TDRD6: variants seen among roughly 807,000 people sequenced by gnomAD.
TDRD6 encodes the protein tudor domain-containing protein 6.
TDRD6 carries 186 observed loss-of-function variants against 157.5 expected under a neutral mutation model. That is an observed-to-expected ratio of 1.18 (90% CI 1.05 to 1.33). The LOEUF is 1.33. Among genes scored for constraint, TDRD6 ranks in the 40% most tolerant of loss-of-function variants. The pLI is 0.00. For missense variants in TDRD6, 3,066 were observed against 2,508.0 expected, an observed-to-expected ratio of 1.22 and a Z score of -4.75; for synonymous variants, 1,075 against 945.2, an observed-to-expected ratio of 1.14 and a Z score of -2.52.
At chr6:46,694,490 A>G (rs1764443486) in intron 1 of TDRD6, among the ~76,000 whole-genome samples, 1 of 152,122 alleles carries the variant, frequency 6.6e-6, no homozygotes, top group South Asian at 2.1e-4. Context: ...TAAGTTTAAC[A>G]TAGTGACTTT....
chr6:46,692,694 A>C lies in TDRD6; in HGVS notation c.4566A>C (p.Arg1522Ser), dbSNP rs1176074275. ...ATAATCCAGAAAAAAAAATGATAAG[A>C]GCTTATGCCACTGTGATAGATGGAC... ...NWYNPEKKMIRAYATVIDGPE... is the reference protein window; with the variant it reads ...NWYNPEKKMISAYATVIDGPE... The change falls in exon 1 of 4, where the codon AGA becomes AGC. Residue 1522 changes from arginine (R) to serine (S), a missense_variant. By Grantham distance (110) the Arg-to-Ser change is moderately radical. Coordinates refer to ENST00000316081, the MANE Select transcript of TDRD6 (RefSeq NM_001010870.3). The C allele has an allele frequency of 5.0e-6, 8 of 1,613,838 alleles. No individual in the cohort carries two copies. The African/African-American group carries it at 1.1e-4, about 22-fold the overall frequency.
At position 46,695,820 on chromosome 6, in the gene TDRD6, G is replaced by C. The variant is rs1209512286; in HGVS notation, c.6047-1G>C. On this transcript the variant is annotated splice_acceptor_variant, in intron 1 of 3. Coordinates refer to ENST00000316081, the MANE Select transcript of TDRD6 (RefSeq NM_001010870.3). LOFTEE classifies it high-confidence loss of function. ...GAGTCTTACTCAATTCAATTTGGCA[G>C]CTCAACTACAGAACACCTACACTCT... is the stretch of plus-strand genomic sequence containing the variant. 6.2e-7 allele frequency: 1 copy of C among 1,611,924 alleles called. No individual in the cohort carries two copies. Among genetic ancestry groups the C allele is most frequent in the Admixed American group, 1.7e-5 (1 of 59,618 alleles).
rs1355039613 is a variant in TDRD6 at position 46,689,599 on chromosome 6, G to A, written c.1471G>A (p.Ala491Thr). The change falls in exon 1 of 4, where the codon GCG becomes ACG. Residue 491 changes from alanine to threonine, a missense_variant. Coordinates refer to ENST00000316081, the MANE Select transcript of TDRD6 (RefSeq NM_001010870.3). ...IRLKMNAFYD[A>T]QVEFVKNPSE... ...GTTAAAGATGAATGCCTTCTACGAT[G>A]CGCAGGTAGAGTTTGTTAAAAATCC... 1.9e-6 allele frequency: 3 copies of A among 1,614,052 alleles called. No homozygotes were observed. The highest frequency in any genetic ancestry group is 2.5e-6 in the Non-Finnish European group (3 of 1,180,054).
At position 46,691,885 on chromosome 6, in the gene TDRD6, T is replaced by G; in HGVS notation, c.3757T>G (p.Leu1253Val). ...AAATAAAAATAGTCAAGTGTTTCCA[T>G]TAACAACAGAAAAGAAAGAAGAAAT... The part of the protein sequence containing the change: ...VGNKNSQVFP[L>V]TTEKKEEISA... The change falls in exon 1 of 4, where the codon TTA becomes GTA. Residue 1253 changes from leucine to valine, a missense_variant. By Grantham distance (32) the Leu-to-Val change is conservative (BLOSUM62 1). Transcript: ENST00000316081. The G allele has an allele frequency of 6.3e-7, 1 of 1,594,190 alleles. No homozygotes were observed. Among genetic ancestry groups the G allele is most frequent in the South Asian group, 1.1e-5 (1 of 87,050 alleles).
Position 46,695,948 on chromosome 6 carries a change from A to G in TDRD6, c.6171+3A>G. ...AAACAGCTGAAGAAGGAACAAGGGT[A>G]AGTGATGTTTAAGTACTTTATCTCC... On this transcript the variant is annotated splice_donor_region_variant and intron_variant, in intron 2 of 3. Coordinates refer to ENST00000316081, the MANE Select transcript of TDRD6 (RefSeq NM_001010870.3). The G allele has an allele frequency of 6.2e-7, 1 of 1,610,028 alleles. No individual in the cohort carries two copies. Among genetic ancestry groups the G allele is most frequent in the South Asian group, 1.1e-5 (1 of 90,358 alleles).
rs1181898264 is a variant in TDRD6, at chr6:46,690,608, G to C, written c.2480G>C (p.Arg827Pro). ...AACACCCTTGCTTGTTTGGCTAAGC[G>C]AACAGTAAACAGACAGTGGTCCAGA... is the stretch of plus-strand genomic sequence containing the variant. ...QRNTLACLAK[R>P]TVNRQWSRAL... The change falls in exon 1 of 4, where the codon CGA becomes CCA. Residue 827 changes from arginine to proline, a missense_variant. Transcript: ENST00000316081. 6.2e-7 allele frequency: 1 copy of C among 1,614,036 alleles called. No homozygotes were observed. Among genetic ancestry groups the C allele is most frequent in the Non-Finnish European group, 8.5e-7 (1 of 1,180,026 alleles).
chr6:46,689,986 T>G lies in TDRD6; in HGVS notation c.1858T>G (p.Phe620Val), dbSNP rs766247589. Residue 620 changes from phenylalanine to valine, a missense_variant, in exon 1 of 4, where the codon TTT becomes GTT. Physicochemically the swap from Phe to Val is conservative, Grantham distance 50. Coordinates refer to ENST00000316081, the MANE Select transcript of TDRD6 (RefSeq NM_001010870.3). ...TTGGAGCCAGGAGGCAGTTTCCTTT[T>G]TTAAAAAGACTGTGCTCCACAAAGA... Reference protein sequence around the residue: ...KTWSQEAVSFFKKTVLHKELV... With the variant: ...KTWSQEAVSFVKKTVLHKELV... 6.2e-7 allele frequency: 1 copy of G among 1,613,484 alleles called. No individual in the cohort carries two copies. The highest frequency in any genetic ancestry group is 1.7e-5 in the Admixed American group (1 of 59,896).
In TDRD6 at chr6:46,688,031, GT is replaced by G; in HGVS notation, c.-95del. Reference sequence around the variant, plus strand: ...CCCTCCACTGGGTCCTTTGAACCTAGTTTGGCTGGGACTCGCCTTCAGGCGG... The same window carrying G: ...CCCTCCACTGGGTCCTTTGAACCTAGTTGGCTGGGACTCGCCTTCAGGCGG... On this transcript the variant is annotated 5_prime_UTR_variant, in exon 1 of 4. Coordinates refer to ENST00000316081, the MANE Select transcript of TDRD6 (RefSeq NM_001010870.3). 2 of 1,386,004 alleles carry G rather than the reference GT, an allele frequency of 1.4e-6. No individual in the cohort carries two copies. The highest frequency in any genetic ancestry group is 1.9e-6 in the Non-Finnish European group (2 of 1,077,804). The allele number at this position is 1,386,004 out of a possible 1,614,324, so 85.9% of individuals were successfully genotyped here.
rs1175247883 is a variant in TDRD6, at chr6:46,692,058, T to C, written c.3930T>C (p.Tyr1310=). The change falls in exon 1 of 4, where the codon TAT becomes TAC. Residue 1310 remains tyrosine (Y), a synonymous_variant. Coordinates refer to ENST00000316081, the MANE Select transcript of TDRD6 (RefSeq NM_001010870.3). ...TIMPGFKTTV[Y]VSHINDLSDF... is the part of the protein sequence containing the mutation. ...TGCCTGGATTTAAAACAACTGTATA[T>C]GTTTCTCATATAAATGACCTTTCAG... is the stretch of plus-strand genomic sequence containing the variant. 1.2e-6 allele frequency: 2 copies of C among 1,612,822 alleles called. No homozygotes were observed. Among genetic ancestry groups the C allele is most frequent in the African/African-American group, 1.3e-5 (1 of 74,770 alleles).
rs1200467927 is a variant in TDRD6, at chr6:46,690,977, T to G, written c.2849T>G (p.Phe950Cys). The part of the protein sequence containing the change: ...LLTPFQSACH[F>C]LVEKRLARPV... ...ACCCCCTTTCAGAGTGCATGCCATT[T>G]CTTGGTAGAAAAGAGACTTGCAAGA... The change falls in exon 1 of 4, where the codon TTC (phenylalanine) becomes TGC (cysteine). Residue 950 changes from phenylalanine (F) to cysteine (C), a missense_variant. By Grantham distance (205) the Phe-to-Cys change is radical. Coordinates refer to ENST00000316081, the MANE Select transcript of TDRD6 (RefSeq NM_001010870.3). 1.2e-6 allele frequency: 2 copies of G among 1,614,152 alleles called. No individual in the cohort carries two copies. The highest frequency in any genetic ancestry group is 1.7e-6 in the Non-Finnish European group (2 of 1,180,004).
At position 46,693,397 on chromosome 6, in the gene TDRD6, G is replaced by T. The variant is rs762094099; in HGVS notation, c.5269G>T (p.Asp1757Tyr). ...TDELAEITEK[D>Y]VNIIGTKPSN... ...TGAGCTTGCTGAAATAACTGAAAAA[G>T]ATGTAAACATTATTGGAACCAAACC... The change falls in exon 1 of 4, where the codon GAT (aspartate) becomes TAT (tyrosine). Residue 1757 changes from aspartate (D) to tyrosine (Y), a missense_variant. Asp to Tyr is a radical substitution (Grantham distance 160). Transcript: ENST00000316081. 1 of 1,613,538 alleles carries T rather than the reference G, an allele frequency of 6.2e-7. No individual in the cohort carries two copies. The highest frequency in any genetic ancestry group is 1.1e-5 in the South Asian group (1 of 90,998).
chr6:46,691,048 T>G lies in TDRD6; in HGVS notation c.2920T>G (p.Ser974Ala), dbSNP rs754250056. The change falls in exon 1 of 4, where the codon TCC becomes GCC. Residue 974 changes from serine to alanine, a missense_variant. Coordinates refer to ENST00000316081, the MANE Select transcript of TDRD6 (RefSeq NM_001010870.3). ...TTTGGAGTCCTCTGTTCAGCTACAT[T>G]CCTACTTCTATTCTACACATGATAT... The part of the protein sequence containing the change: ...KPLESSVQLH[S>A]YFYSTHDMKI... The G allele has an allele frequency of 6.2e-7, 1 of 1,613,696 alleles. No homozygotes were observed. Among genetic ancestry groups the G allele is most frequent in the Non-Finnish European group, 8.5e-7 (1 of 1,179,848 alleles).
In TDRD6 at chr6:46,690,666, T is replaced by A. The variant is rs770504455; in HGVS notation, c.2538T>A (p.His846Gln). 1.2e-6 allele frequency: 2 copies of A among 1,614,078 alleles called. No individual in the cohort carries two copies. Among genetic ancestry groups the A allele is most frequent in the Non-Finnish European group, 1.7e-6 (2 of 1,180,032 alleles). Reference protein sequence around the residue: ...ALISGIQSVEHVNVTFVDYGD... With the variant: ...ALISGIQSVEQVNVTFVDYGD... Reference sequence around the variant, plus strand: ...TTAGTGGGATACAGTCTGTGGAGCATGTCAATGTAACATTTGTAGATTATG... The same window carrying A: ...TTAGTGGGATACAGTCTGTGGAGCAAGTCAATGTAACATTTGTAGATTATG... The change falls in exon 1 of 4, where the codon CAT becomes CAA. Residue 846 changes from histidine (H) to glutamine (Q), a missense_variant. By Grantham distance (24) the His-to-Gln change is conservative. Coordinates refer to ENST00000316081, the MANE Select transcript of TDRD6 (RefSeq NM_001010870.3).
chr6:46,690,846 C>G lies in TDRD6; in HGVS notation c.2718C>G (p.Phe906Leu). 1 of 1,613,644 alleles carries G rather than the reference C, an allele frequency of 6.2e-7. No homozygotes were observed. Among genetic ancestry groups the G allele is most frequent in the Non-Finnish European group, 8.5e-7 (1 of 1,179,930 alleles). The change falls in exon 1 of 4, where the codon TTC becomes TTG. Residue 906 changes from phenylalanine to leucine, a missense_variant. Phe to Leu is a conservative substitution (Grantham distance 22). Transcript: ENST00000316081. Reference sequence around the variant, plus strand: ...GGGATGTAAAGGCAATACAAGCTTTCAATGAATTTATAGATAATGCATGGC... The same window carrying G: ...GGGATGTAAAGGCAATACAAGCTTTGAATGAATTTATAGATAATGCATGGC... ...FVWDVKAIQA[F>L]NEFIDNAWQK...
At position 46,692,047 on chromosome 6, in the gene TDRD6, A is replaced by G; in HGVS notation, c.3919A>G (p.Thr1307Ala). 6.2e-7 allele frequency: 1 copy of G among 1,613,234 alleles called. No homozygotes were observed. The highest frequency in any genetic ancestry group is 8.5e-7 in the Non-Finnish European group (1 of 1,179,810). The change falls in exon 1 of 4, where the codon ACA becomes GCA. Residue 1307 changes from threonine (T) to alanine (A), a missense_variant. Coordinates refer to ENST00000316081, the MANE Select transcript of TDRD6 (RefSeq NM_001010870.3). ...PQKTIMPGFKTTVYVSHINDL... is the reference protein window; with the variant it reads ...PQKTIMPGFKATVYVSHINDL... ...GAAGACTATAATGCCTGGATTTAAAACAACTGTATATGTTTCTCATATAAA... is the reference window on the plus strand; with the variant it reads ...GAAGACTATAATGCCTGGATTTAAAGCAACTGTATATGTTTCTCATATAAA...
chr6:46,682,074 C>A, the TDRD6 span, among the ~76,000 whole-genome samples: 2 of 151,858 alleles, frequency 1.3e-5, no homozygotes, highest in Non-Finnish European at 2.9e-5. Flanking sequence ...TATTTTACCA[C>A]AATAAACAGA....
At position 46,689,864 on chromosome 6, in the gene TDRD6, A is replaced by C. The variant is rs781577688; in HGVS notation, c.1736A>C (p.Asp579Ala). 3.7e-6 allele frequency: 6 copies of C among 1,614,198 alleles called. No homozygotes were observed. Among genetic ancestry groups the C allele is most frequent in the Non-Finnish European group, 4.2e-6 (5 of 1,180,038 alleles). The change falls in exon 1 of 4, where the codon GAC (aspartate) becomes GCC (alanine). Residue 579 changes from aspartate (D) to alanine (A), a missense_variant. Transcript: ENST00000316081. The stretch of plus-strand genomic sequence containing the variant: ...GACCGAGGCAATTCGGAAAATGTGG[A>C]CTGGTATGACGTAAGGATGCTGCTT... Reference protein sequence around the residue: ...LVDRGNSENVDWYDVRMLLPQ... With the variant: ...LVDRGNSENVAWYDVRMLLPQ...
At position 46,701,881 on chromosome 6, in the gene TDRD6, G is replaced by A; in HGVS notation, c.6285G>A (p.Glu2095=). ...AGAAAAGGGGTTTGGAGGTGATGGAGATTTAACCGTGGATCTATAGCTGTG... is the reference window on the plus strand; with the variant it reads ...AGAAAAGGGGTTTGGAGGTGATGGAAATTTAACCGTGGATCTATAGCTGTG... ...PPEKRGLEVM[E]I is the part of the protein sequence containing the mutation. The change falls in exon 4 of 4, where the codon GAG becomes GAA. Residue 2095 remains glutamate (E), a synonymous_variant. Coordinates refer to ENST00000316081, the MANE Select transcript of TDRD6 (RefSeq NM_001010870.3). 1 of 1,612,774 alleles carries A rather than the reference G, an allele frequency of 6.2e-7. No individual in the cohort carries two copies.
At chr6:46,686,468 GAAGT>G (rs1022874800), upstream of TDRD6, among the ~76,000 whole-genome samples, 2 of 127,390 alleles carry the variant, frequency 1.6e-5, no homozygotes, top group African/African-American at 3.0e-5. Flanking sequence ...TAATAATATA[GAAGT>G]ATGTAAAAAA....
Sources: gnomAD v4.1 joint callset for allele counts (sites outside exome capture counted in the v4.1 genomes callset) on GRCh38, gnomAD v4.1.1 for gene constraint, MANE v1.5 for transcripts, NCBI Gene and HGNC (gene_info 2026-07-23, HGNC 2026-07-21) for gene names.